Variants in ADAM2 observed in about 807,000 individuals in gnomAD.
The protein encoded by ADAM2 is disintegrin and metalloproteinase domain-containing protein 2.
Under a neutral mutation model 99.3 loss-of-function variants are expected in ADAM2, and 101 were observed. The observed-to-expected ratio is 1.02, with a 90% CI of 0.87 to 1.20. The LOEUF is 1.20. ADAM2 is among the 50% of genes most tolerant of loss of function. The pLI is 0.00. For missense variants in ADAM2, 948 were observed against 878.7 expected, an observed-to-expected ratio of 1.08 and a Z score of -1.00; for synonymous variants, 323 against 287.6, an observed-to-expected ratio of 1.12 and a Z score of -1.25.
intron 6 of ADAM2, 57 bp downstream of exon 6, chr8:39,820,945 C>T: frequency 9.0e-7 from 1 of 1,107,922 alleles, no homozygotes; most frequent in Non-Finnish European, 1.3e-6. Flanking sequence ...CTATAAATTT[C>T]AGTGCTTACA....
rs1400645126 is a variant in ADAM2 at position 39,836,806 on chromosome 8, T to C, written c.132+330A>G. Among the ~76,000 whole-genome samples the C allele has an allele frequency of 3.9e-5, 6 of 152,204 alleles. No individual in the cohort carries two copies. In the East Asian group the frequency reaches 1.2e-3, roughly 29 times the overall value. The stretch of plus-strand genomic sequence containing the variant: ...CAAGCCAAGGCTTACTTAGCAACAA[T>C]GACAAAAAATTCCTCCAAATACAGC... On this transcript the variant is annotated intron_variant, in intron 2 of 20. Coordinates refer to ENST00000265708, the MANE Select transcript of ADAM2 (RefSeq NM_001464.5).
At chr8:39,777,935 G>C (rs952297735) in intron 10 of ADAM2, among the ~76,000 whole-genome samples, 3 of 149,042 alleles carry the variant, frequency 2.0e-5, no homozygotes, top group East Asian at 2.0e-4. Context: ...TTAATATTAC[G>C]GTAATAATGA....
chr8:39,744,788 A>T, intron 20 of ADAM2, 42 bp downstream of exon 20: 1 of 1,324,008 alleles, frequency 7.6e-7, no homozygotes, highest in East Asian at 2.3e-5. Flanking sequence ...GTGTCCCAGT[A>T]CTTAAAGTAA....
intron 6 of ADAM2, among the ~76,000 whole-genome samples, chr8:39,818,302 A>G (rs1805036134): frequency 6.6e-6 from 1 of 152,122 alleles, no homozygotes; most frequent in Non-Finnish European, 1.5e-5. Context: ...CCACATTAAC[A>G]AAATAACGAT....
intron 6 of ADAM2, among the ~76,000 whole-genome samples, chr8:39,818,527 ATC>A (rs1476878663): frequency 6.6e-6 from 1 of 152,036 alleles, no homozygotes; most frequent in Admixed American, 6.6e-5. Context: ...AGATGAGAAC[ATC>A]TCTTTTTCAC....
intron 3 of ADAM2, among the ~76,000 whole-genome samples, chr8:39,833,295 C>T (rs1805690478): frequency 2.0e-5 from 3 of 152,008 alleles, no homozygotes; most frequent in Non-Finnish European, 4.4e-5. Flanking sequence ...AAGAGTGCAG[C>T]TATGAATTCT....
chr8:39,818,734 C>A (rs766026147), intron 6 of ADAM2, among the ~76,000 whole-genome samples: 2 of 151,886 alleles, frequency 1.3e-5, no homozygotes, highest in Non-Finnish European at 2.9e-5. Flanking sequence ...AATACAAAAC[C>A]AATATGGAAA....
At chr8:39,827,544 G>A (rs996081422) in intron 3 of ADAM2, among the ~76,000 whole-genome samples, 1 of 152,090 alleles carries the variant, frequency 6.6e-6, no homozygotes, top group Non-Finnish European at 1.5e-5. Flanking sequence ...GGAATACTAG[G>A]CAGTCATAAA....
chr8:39,819,718 C>T (rs1469424228), intron 6 of ADAM2, among the ~76,000 whole-genome samples: 2 of 152,080 alleles, frequency 1.3e-5, no homozygotes, highest in East Asian at 1.9e-4. Context: ...GGATAACCAG[C>T]CTGCCTGCTT....
At chr8:39,767,317 A>C (rs1456284807) in intron 12 of ADAM2, 66 bp from the exon 13 acceptor site, 1 of 1,342,166 alleles carries the variant, frequency 7.5e-7, no homozygotes, top group Non-Finnish European at 1.0e-6. Context: ...AGGCATGTTC[A>C]TAAAGACAAC....
chr8:39,821,144 C>G lies in ADAM2; in HGVS notation c.371G>C (p.Ser124Thr). ...AGACTCCAGGGGTTCTATTCCATAA[C>G]TAACATTTTCAAACTGTAGTACGCC... ...LRGVLQFENVSYGIEPLESSV... is the reference protein window; with the variant it reads ...LRGVLQFENVTYGIEPLESSV... Residue 124 changes from serine to threonine, a missense_variant, in exon 6 of 21, where the codon AGT (serine) becomes ACT (threonine). Transcript: ENST00000265708. The G allele has an allele frequency of 6.2e-7, 1 of 1,601,300 alleles. No homozygotes were observed. The highest frequency in any genetic ancestry group is 8.5e-7 in the Non-Finnish European group (1 of 1,175,214).
chr8:39,778,033 T>A (rs1803068980), intron 10 of ADAM2, among the ~76,000 whole-genome samples: 1 of 147,914 alleles, frequency 6.8e-6, no homozygotes, highest in Non-Finnish European at 1.5e-5. Flanking sequence ...TTTTAATATA[T>A]AATTTATATA....
intron 7 of ADAM2, among the ~76,000 whole-genome samples, chr8:39,797,362 T>C (rs1421449919): frequency 6.6e-6 from 1 of 152,138 alleles, no homozygotes; most frequent in African/African-American, 2.4e-5. Flanking sequence ...TGGTTGTAGA[T>C]GTGTAGAGTT....
At chr8:39,814,705 G>C (rs1325275926) in intron 6 of ADAM2, among the ~76,000 whole-genome samples, 6 of 152,026 alleles carry the variant, frequency 3.9e-5, no homozygotes, top group Non-Finnish European at 8.8e-5. Flanking sequence ...GTGGGTGCGG[G>C]TGTCCATGTG....
intron 6 of ADAM2, among the ~76,000 whole-genome samples, chr8:39,820,649 C>A (rs563414050): frequency 3.3e-5 from 5 of 152,134 alleles, no homozygotes; most frequent in African/African-American, 1.2e-4. Context: ...CTCCTCAGGA[C>A]CCTAGATATG....
At chr8:39,815,525 A>T (rs1384206804) in intron 6 of ADAM2, among the ~76,000 whole-genome samples, 1 of 152,174 alleles carries the variant, frequency 6.6e-6, no homozygotes, top group African/African-American at 2.4e-5. Context: ...TGATTTCCCC[A>T]TTGCTCTACA....
intron 7 of ADAM2, among the ~76,000 whole-genome samples, chr8:39,808,792 T>G (rs1158858056): frequency 6.6e-6 from 1 of 152,154 alleles, no homozygotes; most frequent in Non-Finnish European, 1.5e-5. Flanking sequence ...GGTGTGTGCC[T>G]GTAGTCCCAG....
intron 7 of ADAM2, among the ~76,000 whole-genome samples, chr8:39,796,501 T>C (rs1280282453): frequency 6.6e-6 from 1 of 152,214 alleles, no homozygotes; most frequent in African/African-American, 2.4e-5. Context: ...GCAATAAACA[T>C]ACATGAGCAT....
intron 10 of ADAM2, among the ~76,000 whole-genome samples, chr8:39,778,428 G>A (rs1803085654): frequency 1.3e-5 from 2 of 152,038 alleles, no homozygotes; most frequent in South Asian, 4.1e-4. Context: ...CTACATCATT[G>A]CAAGGATGCT....
Sources: allele counts gnomAD v4.1 joint callset (sites outside exome capture counted in the v4.1 genomes callset), GRCh38; gene constraint gnomAD v4.1.1; transcripts MANE v1.5; gene names NCBI Gene and HGNC (gene_info 2026-07-23, HGNC 2026-07-21).